Variants in ZFPM2 observed in about 807,000 individuals in gnomAD.
ZFPM2 encodes the protein zinc finger protein, FOG family member 2, also known as zinc finger protein ZFPM2.
A neutral mutation model predicts 98.6 loss-of-function variants in ZFPM2; 20 were observed. That is an observed-to-expected ratio of 0.20 (90% CI 0.14 to 0.29). The LOEUF is 0.29. Among genes scored for constraint, ZFPM2 ranks in the 10% least tolerant of loss-of-function variants. The pLI is 1.00. For synonymous variants in ZFPM2, 518 were observed against 502.7 expected, an observed-to-expected ratio of 1.03 and a Z score of -0.41; for missense variants, 1,310 against 1,388.6, an observed-to-expected ratio of 0.94 and a Z score of 0.90.
intron 4 of ZFPM2, among the ~76,000 whole-genome samples, chr8:105,615,066 A>G (rs144717871): frequency 6.6e-6 from 1 of 152,170 alleles, no homozygotes; most frequent in African/African-American, 2.4e-5. Context: ...TGTGTCTTGT[A>G]TGGTATGCCC....
chr8:105,374,342 C>G (rs1210598855), intron 1 of ZFPM2, among the ~76,000 whole-genome samples: 2 of 152,006 alleles, frequency 1.3e-5, no homozygotes, highest in Non-Finnish European at 2.9e-5. Flanking sequence ...GAGATACTTA[C>G]CAATAGTTTT....
At chr8:105,768,666 A>G (rs1586249816) in intron 5 of ZFPM2, among the ~76,000 whole-genome samples, 1 of 152,092 alleles carries the variant, frequency 6.6e-6, no homozygotes, top group Middle Eastern at 3.4e-3. Context: ...TAGAATCTCT[A>G]TATATGTGGA....
chr8:105,483,974 T>C (rs972642939), intron 3 of ZFPM2, among the ~76,000 whole-genome samples: 46 of 152,116 alleles, frequency 3.0e-4, no homozygotes, highest in African/African-American at 1.0e-3. Flanking sequence ...GACCCCATGA[T>C]CCGCCCACCT....
At chr8:105,383,143 A>G (rs1046659454) in intron 1 of ZFPM2, among the ~76,000 whole-genome samples, 1 of 152,124 alleles carries the variant, frequency 6.6e-6, no homozygotes, top group Non-Finnish European at 1.5e-5. Flanking sequence ...GGATTGTAAG[A>G]GTTGAAGAAA....
At chr8:105,642,002 A>C (rs1340416287) in intron 5 of ZFPM2, among the ~76,000 whole-genome samples, 1 of 152,088 alleles carries the variant, frequency 6.6e-6, no homozygotes, top group Non-Finnish European at 1.5e-5. Context: ...TATAAGTATA[A>C]AAATGAGAAA....
chr8:105,516,251 G>GTCATGTCC (rs1455320522), intron 3 of ZFPM2, among the ~76,000 whole-genome samples: 1 of 152,062 alleles, frequency 6.6e-6, no homozygotes, highest in African/African-American at 2.4e-5. Context: ...AATAGTCTTA[G>GTCATGTCC]TCATGTCCTG....
At position 105,358,958 on chromosome 8, in the gene ZFPM2, G is replaced by C. The variant is rs1563620185; in HGVS notation, c.40+39977G>C. Among the ~76,000 whole-genome samples, 3 of 151,946 alleles carry C rather than the reference G, an allele frequency of 2.0e-5. No homozygotes were observed. In the East Asian group the frequency reaches 5.8e-4, roughly 29 times the overall value. On this transcript the variant is annotated intron_variant, in intron 1 of 7. Coordinates refer to ENST00000407775, the MANE Select transcript of ZFPM2 (RefSeq NM_012082.4). The stretch of plus-strand genomic sequence containing the variant: ...GAAAGAGTGAGACTCCATCTAAAAA[G>C]AAAAGAAAAAAGAGCTTGTCTGTGG...
chr8:105,459,091 T>C (rs1174306080), intron 3 of ZFPM2, among the ~76,000 whole-genome samples: 2 of 152,172 alleles, frequency 1.3e-5, no homozygotes, highest in African/African-American at 4.8e-5. Flanking sequence ...TTTCTTTCTC[T>C]GAGACAGGAT....
At chr8:105,531,820 T>TA (rs2130584948) in intron 3 of ZFPM2, among the ~76,000 whole-genome samples, 1 of 152,314 alleles carries the variant, frequency 6.6e-6, no homozygotes, top group African/African-American at 2.4e-5. Context: ...ATAGTTAAAC[T>TA]AAAAATGAAA....
Position 105,779,001 on chromosome 8 carries a change from G to A in ZFPM2, c.533-9717G>A, listed in dbSNP as rs1161758457. Among the ~76,000 whole-genome samples, 3 of 148,032 alleles carry A rather than the reference G, an allele frequency of 2.0e-5. No homozygotes were observed. The East Asian group carries it at 5.9e-4, about 29-fold the overall frequency. On this transcript the variant is annotated intron_variant, in intron 5 of 7. Coordinates refer to ENST00000407775, the MANE Select transcript of ZFPM2 (RefSeq NM_012082.4). The stretch of plus-strand genomic sequence containing the variant: ...TGATTTTCTTCCCCCAGAATTTCTA[G>A]TCTAAAAAAAGAGAAATGAGACTTA...
chr8:105,612,484 T>C (rs1816327375), intron 4 of ZFPM2, among the ~76,000 whole-genome samples: 1 of 152,176 alleles, frequency 6.6e-6, no homozygotes, highest in Non-Finnish European at 1.5e-5. Flanking sequence ...AAATGGTACA[T>C]TTTCAAATGA....
chr8:105,408,708 A>G (rs1219457532), intron 1 of ZFPM2, among the ~76,000 whole-genome samples: 2 of 151,860 alleles, frequency 1.3e-5, no homozygotes, highest in Non-Finnish European at 2.9e-5. Flanking sequence ...TGTGCAAAGA[A>G]CAAGTGTGCA....
At chr8:105,509,907 T>A (rs1813780844) in intron 3 of ZFPM2, among the ~76,000 whole-genome samples, 2 of 152,214 alleles carry the variant, frequency 1.3e-5, no homozygotes, top group African/African-American at 4.8e-5. Context: ...ATAGGACATA[T>A]TTAAAATAAA....
intron 1 of ZFPM2, among the ~76,000 whole-genome samples, chr8:105,402,743 G>T (rs896930972): frequency 6.6e-6 from 1 of 151,802 alleles, no homozygotes; most frequent in Admixed American, 6.6e-5. Flanking sequence ...TTTATCTTTA[G>T]CTAGTTTGTG....
At chr8:105,664,509 T>C (rs1817454353) in intron 5 of ZFPM2, among the ~76,000 whole-genome samples, 1 of 152,148 alleles carries the variant, frequency 6.6e-6, no homozygotes, top group South Asian at 2.1e-4. Flanking sequence ...TAATTTTGTA[T>C]TTTTATTAAA....
Position 105,397,754 on chromosome 8 carries a change from G to A in ZFPM2, c.41-21390G>A, listed in dbSNP as rs576783797. 2.6e-5 allele frequency among the ~76,000 whole-genome samples: 4 copies of A among 152,046 alleles called. No individual in the cohort carries two copies. In the South Asian group the frequency reaches 8.3e-4, roughly 32 times the overall value. On this transcript the variant is annotated intron_variant, in intron 1 of 7. Transcript: ENST00000407775. Reference sequence around the variant, plus strand: ...TACAAGACTTATACTGGTGATATGCGATATATAAACACAACAAATTGTGTT... The same window carrying A: ...TACAAGACTTATACTGGTGATATGCAATATATAAACACAACAAATTGTGTT...
At chr8:105,520,381 A>G (rs1036573379) in intron 3 of ZFPM2, among the ~76,000 whole-genome samples, 5 of 152,164 alleles carry the variant, frequency 3.3e-5, no homozygotes, top group African/African-American at 1.2e-4. Context: ...ATGCATGTCA[A>G]TTACTTACTA....
chr8:105,761,290 A>C (rs2131072464), intron 5 of ZFPM2, among the ~76,000 whole-genome samples: 1 of 152,106 alleles, frequency 6.6e-6, no homozygotes, highest in African/African-American at 2.4e-5. Flanking sequence ...TGCTCTATGT[A>C]TTCTTTCACC....
rs573443074 is a variant in ZFPM2, at chr8:105,500,116, T to G, written c.301+55735T>G. Among the ~76,000 whole-genome samples, 7 of 152,312 alleles carry G rather than the reference T, an allele frequency of 4.6e-5. No homozygotes were observed. The East Asian group carries it at 5.8e-4, about 13-fold the overall frequency. ...ATTTTCATAAGCTGTTTTCTGTACA[T>G]TAGTGGCTAAATATTAAAAACTTCT... On this transcript the variant is annotated intron_variant, in intron 3 of 7. Coordinates refer to ENST00000407775, the MANE Select transcript of ZFPM2 (RefSeq NM_012082.4).
Sources: allele counts gnomAD v4.1 joint callset (sites outside exome capture counted in the v4.1 genomes callset), GRCh38; gene constraint gnomAD v4.1.1; transcripts MANE v1.5; gene names NCBI Gene and HGNC (gene_info 2026-07-23, HGNC 2026-07-21).